Variants in GPHN observed in about 807,000 individuals in gnomAD.
GPHN encodes the protein gephyrin.
GPHN carries 17 observed loss-of-function variants against 95.5 expected under a neutral mutation model. That is an observed-to-expected ratio of 0.18 (90% CI 0.12 to 0.27). The LOEUF is 0.27. GPHN is among the 10% of genes least tolerant of loss of function. The probability of loss-of-function intolerance (pLI) is 1.00; values close to 1 mark genes in which losing one functional copy is unlikely to be tolerated. For missense variants in GPHN, 660 were observed against 978.1 expected, an observed-to-expected ratio of 0.67 and a Z score of 4.34; for synonymous variants, 320 against 322.5, an observed-to-expected ratio of 0.99 and a Z score of 0.08.
chr14:67,659,623 A>G, the GPHN span: 2 of 1,132,370 alleles, frequency 1.8e-6, no homozygotes, highest in Non-Finnish European at 2.4e-6. Context: ...AAAATGAAAC[A>G]AGAGTCTAGT....
At chr14:67,534,801 T>C in the GPHN span, among the ~76,000 whole-genome samples, 1 of 151,672 alleles carries the variant, frequency 6.6e-6, no homozygotes, top group African/African-American at 2.4e-5. Flanking sequence ...AAAAAAAAAA[T>C]CCAAAGAAAT....
rs184759690 is a variant in GPHN, at chr14:66,833,122, C to T, written c.294+8556C>T. ...TCTGTTCTCACATCGCTAATAAAGA[C>T]GTACACAAGTCTGGGTAATTTGTAA... On this transcript the variant is annotated intron_variant, in intron 4 of 22. Transcript: ENST00000478722. Among the ~76,000 whole-genome samples, 80 of 152,194 alleles carry T rather than the reference C, an allele frequency of 5.3e-4. 1 individual carries two copies. The highest frequency in any genetic ancestry group is 1.0e-3 in the Non-Finnish European group (68 of 68,018).
chr14:66,958,692 TATA>T (rs1404005624), intron 8 of GPHN, among the ~76,000 whole-genome samples: 1 of 152,150 alleles, frequency 6.6e-6, no homozygotes, highest in Non-Finnish European at 1.5e-5. Flanking sequence ...AATATAGTAT[TATA>T]ATATTATGGG....
At chr14:67,027,862 T>G (rs1050573649) in intron 10 of GPHN, among the ~76,000 whole-genome samples, 1 of 152,224 alleles carries the variant, frequency 6.6e-6, no homozygotes, top group Admixed American at 6.5e-5. Context: ...CTTGAGCATT[T>G]ATCATTTCTT....
the GPHN span, among the ~76,000 whole-genome samples, chr14:67,436,801 A>C: frequency 6.6e-6 from 1 of 152,204 alleles, no homozygotes; most frequent in African/African-American, 2.4e-5. Context: ...CACGCTTGTC[A>C]TCCCAGCACT....
chr14:67,133,696 G>A (rs1404654196), intron 17 of GPHN, among the ~76,000 whole-genome samples: 1 of 152,118 alleles, frequency 6.6e-6, no homozygotes, highest in Non-Finnish European at 1.5e-5. Flanking sequence ...CACAGAAACT[G>A]ATGAGTACAT....
At chr14:66,649,856 G>A (rs1185031849) in intron 1 of GPHN, among the ~76,000 whole-genome samples, 3 of 152,210 alleles carry the variant, frequency 2.0e-5, no homozygotes, top group Non-Finnish European at 2.9e-5. Flanking sequence ...TGGTGGTAAC[G>A]CTTTAAGTCA....
At chr14:67,707,414 A>G in the GPHN span, among the ~76,000 whole-genome samples, 1 of 151,984 alleles carries the variant, frequency 6.6e-6, no homozygotes, top group Admixed American at 6.6e-5. Context: ...AATTATTTGT[A>G]TACAGAGCAG....
At chr14:67,342,397 T>C in the GPHN span, among the ~76,000 whole-genome samples, 1 of 151,514 alleles carries the variant, frequency 6.6e-6, no homozygotes, top group Admixed American at 6.6e-5. Context: ...ATATATAACA[T>C]TGAAGCACAG....
At chr14:67,096,355 G>A (rs1353806098) in intron 12 of GPHN, among the ~76,000 whole-genome samples, 1 of 152,046 alleles carries the variant, frequency 6.6e-6, no homozygotes, top group Non-Finnish European at 1.5e-5. Flanking sequence ...TGCCCCAGAT[G>A]ACCTCCCCAG....
chr14:66,917,921 A>G (rs888461838), intron 6 of GPHN, among the ~76,000 whole-genome samples: 2 of 152,160 alleles, frequency 1.3e-5, no homozygotes, highest in African/African-American at 4.8e-5. Context: ...CTTTCTAGAA[A>G]ATCTTATTTT....
the GPHN span, chr14:67,583,881 G>A: frequency 8.1e-6 from 13 of 1,613,732 alleles, no homozygotes; most frequent in Non-Finnish European, 1.1e-5. Context: ...CTGAACAGCT[G>A]AGGTAGGTAG....
chr14:66,651,673 G>A (rs10142644), intron 1 of GPHN, among the ~76,000 whole-genome samples: 1,610 of 152,162 alleles, frequency 0.011, 31 homozygotes, highest in African/African-American at 0.036. Flanking sequence ...AAGTCAAGGC[G>A]GAATATCCTG....
At chr14:67,502,833 T>C in the GPHN span, among the ~76,000 whole-genome samples, 110,727 of 152,036 alleles carry the variant, frequency 0.73, 42,149 homozygotes, top group Non-Finnish European at 0.85. Context: ...ACCAACCAAC[T>C]TTATTAAATA....
At chr14:67,179,836 T>TA (rs1595517935) in intron 22 of GPHN, among the ~76,000 whole-genome samples, 162 bp downstream of exon 22, 1 of 152,364 alleles carries the variant, frequency 6.6e-6, no homozygotes, top group East Asian at 1.9e-4. Flanking sequence ...TAGCAAAAGT[T>TA]AAAAAATAAC....
At chr14:67,122,154 G>C (rs1327113769) in intron 16 of GPHN, 102 bp from the exon 17 acceptor site, 6 of 1,080,044 alleles carry the variant, frequency 5.6e-6, no homozygotes. Flanking sequence ...TACCATTGTA[G>C]GTGCTAGATA....
the GPHN span, among the ~76,000 whole-genome samples, chr14:67,689,098 C>T: frequency 3.9e-5 from 6 of 152,202 alleles, no homozygotes; most frequent in African/African-American, 1.4e-4. Flanking sequence ...CCAGGCCACC[C>T]TAGCTCCCTG....
intron 13 of GPHN, among the ~76,000 whole-genome samples, chr14:67,103,509 C>CTTTTTTTTTTTT (rs1226189079): frequency 1.5e-5 from 1 of 65,612 alleles, no homozygotes; most frequent in African/African-American, 6.7e-5. Flanking sequence ...CTGTTTCTTT[C>CTTTTTTTTTTTT]TCTTTTTTTT....
chr14:67,421,356 A>G, the GPHN span, among the ~76,000 whole-genome samples: 4 of 152,146 alleles, frequency 2.6e-5, no homozygotes, highest in African/African-American at 9.7e-5. Flanking sequence ...CTCCTTGAAC[A>G]TCGGGATTGT....
Sources: gnomAD v4.1 joint callset for allele counts (sites outside exome capture counted in the v4.1 genomes callset) on GRCh38, gnomAD v4.1.1 for gene constraint, MANE v1.5 for transcripts, NCBI Gene and HGNC (gene_info 2026-07-23, HGNC 2026-07-21) for gene names.